The following GRPR variants were observed in gnomAD, a reference collection of about 807,000 sequenced individuals.
GRPR encodes gastrin-releasing peptide receptor.
A neutral mutation model predicts 15.6 loss-of-function variants in GRPR; 4 were observed. The observed-to-expected ratio is 0.26, with a 90% CI of 0.13 to 0.59. GRPR has a LOEUF of 0.59. Ranked by LOEUF, GRPR falls within the 20% of genes least tolerant of loss-of-function variation. The probability of loss-of-function intolerance (pLI) is 0.90; values close to 1 mark genes in which losing one functional copy is unlikely to be tolerated. For missense variants in GRPR, 270 were observed against 304.1 expected, an observed-to-expected ratio of 0.89 and a Z score of 0.83; for synonymous variants, 128 against 126.8, an observed-to-expected ratio of 1.01 and a Z score of -0.06.
At chrX:16,147,805 CAG>C (rs993801970) in intron 1 of GRPR, among the ~76,000 whole-genome samples, 18 of 111,794 alleles carry the variant, frequency 1.6e-4, no homozygotes, top group African/African-American at 5.2e-4. Context: ...CACCTTTACT[CAG>C]AGAGTTAGTG....
chrX:16,126,930 G>A (rs1922302604), intron 1 of GRPR, among the ~76,000 whole-genome samples: 1 of 111,775 alleles, frequency 8.9e-6, no homozygotes, highest in Non-Finnish European at 1.9e-5. Flanking sequence ...GGAAACATAA[G>A]TGTTTATTTT....
chrX:16,137,649 A>G (rs1424260461), intron 1 of GRPR, among the ~76,000 whole-genome samples: 1 of 111,778 alleles, frequency 8.9e-6, no homozygotes, highest in Non-Finnish European at 1.9e-5. Flanking sequence ...TCTTGAAATG[A>G]TTAGAGAAAT....
chrX:16,140,477 C>T (rs1420114977), intron 1 of GRPR, among the ~76,000 whole-genome samples: 1 of 111,631 alleles, frequency 9.0e-6, no homozygotes, highest in Non-Finnish European at 1.9e-5. Flanking sequence ...TCCCCTGGCA[C>T]AACTCAGAGG....
At chrX:16,145,524 G>A (rs1216599501) in intron 1 of GRPR, among the ~76,000 whole-genome samples, 2 of 112,222 alleles carry the variant, frequency 1.8e-5, no homozygotes, top group Admixed American at 9.4e-5. Flanking sequence ...GCGGGAGGCA[G>A]TGGTGGTTAA....
At position 16,144,734 on chromosome X, in the gene GRPR, C is replaced by T. The variant is rs367701828; in HGVS notation, c.414-5571C>T. Reference sequence around the variant, plus strand: ...CACAGATGTTTTCAGAAGTGGGAAACAATTGTTTGAGCCCCATATTGTCAG... The same window carrying T: ...CACAGATGTTTTCAGAAGTGGGAAATAATTGTTTGAGCCCCATATTGTCAG... On this transcript the variant is annotated intron_variant, in intron 1 of 2. Transcript: ENST00000380289. Among the ~76,000 whole-genome samples, 19 of 111,374 alleles carry T rather than the reference C, an allele frequency of 1.7e-4. No homozygotes were observed. The East Asian group carries it at 2.2e-3, about 13-fold the overall frequency.
intron 1 of GRPR, among the ~76,000 whole-genome samples, chrX:16,144,765 C>A (rs1488582828): frequency 9.0e-6 from 1 of 111,627 alleles, no homozygotes; most frequent in African/African-American, 3.3e-5. Flanking sequence ...GTCAGAGGAC[C>A]AAATTTGTCA....
chrX:16,145,806 GGAA>G (rs199572574), intron 1 of GRPR, among the ~76,000 whole-genome samples: 1,851 of 106,196 alleles, frequency 0.017, 35 homozygotes, highest in African/African-American at 0.068. Flanking sequence ...ACTTAAAAAT[GGAA>G]GAAGAAAGAA....
At chrX:16,146,212 A>G (rs1922603169) in intron 1 of GRPR, among the ~76,000 whole-genome samples, 1 of 112,070 alleles carries the variant, frequency 8.9e-6, no homozygotes, top group Non-Finnish European at 1.9e-5. Flanking sequence ...TTAAAGGGTT[A>G]TCACATCTAA....
chrX:16,128,534 T>TAATAAC (rs1216018960), intron 1 of GRPR, among the ~76,000 whole-genome samples: 15 of 111,357 alleles, frequency 1.3e-4, no homozygotes, highest in Non-Finnish European at 2.4e-4. Context: ...ATAATAATAA[T>TAATAAC]AATAACAATA....
chrX:16,129,413 C>A (rs1325284358), intron 1 of GRPR, among the ~76,000 whole-genome samples: 3 of 111,904 alleles, frequency 2.7e-5, no homozygotes, highest in Admixed American at 9.4e-5. Context: ...TCAGTAGCCA[C>A]ATGTGGCTAG....
chrX:16,140,980 G>A (rs542375025), intron 1 of GRPR, among the ~76,000 whole-genome samples: 30 of 111,746 alleles, frequency 2.7e-4, no homozygotes, highest in African/African-American at 9.8e-4. Context: ...TGCAGGCTGT[G>A]TCTAACTACA....
At chrX:16,141,776 G>A (rs1922533954) in intron 1 of GRPR, among the ~76,000 whole-genome samples, 1 of 111,975 alleles carries the variant, frequency 8.9e-6, no homozygotes, top group African/African-American at 3.2e-5. Context: ...TTAATAGAAG[G>A]ATGAATTAAA....
At chrX:16,145,516 G>A (rs1484464640) in intron 1 of GRPR, among the ~76,000 whole-genome samples, 1 of 112,005 alleles carries the variant, frequency 8.9e-6, no homozygotes, top group Non-Finnish European at 1.9e-5. Flanking sequence ...TGGGATAGGC[G>A]GGAGGCAGTG....
intron 1 of GRPR, among the ~76,000 whole-genome samples, chrX:16,126,877 G>A (rs1245333597): frequency 1.8e-5 from 2 of 111,916 alleles, no homozygotes; most frequent in African/African-American, 3.3e-5. Context: ...TTAGTTTGGG[G>A]ATGATGATAA....
At chrX:16,137,079 C>A (rs1388813942) in intron 1 of GRPR, among the ~76,000 whole-genome samples, 1 of 110,934 alleles carries the variant, frequency 9.0e-6, no homozygotes, top group Non-Finnish European at 1.9e-5. Flanking sequence ...TCCACGACCC[C>A]TTTCCAGTTA....
intron 1 of GRPR, among the ~76,000 whole-genome samples, chrX:16,127,396 G>A (rs1922309972): frequency 8.9e-6 from 1 of 111,755 alleles, no homozygotes; most frequent in Non-Finnish European, 1.9e-5. Flanking sequence ...GATTTGCACA[G>A]CTGAGCAGTT....
At chrX:16,147,439 T>C (rs1922624046) in intron 1 of GRPR, among the ~76,000 whole-genome samples, 1 of 111,937 alleles carries the variant, frequency 8.9e-6, no homozygotes, top group African/African-American at 3.2e-5. Context: ...TCAGTCAGTC[T>C]ATAACCATTC....
chrX:16,126,397 A>T (rs1026687430), intron 1 of GRPR, among the ~76,000 whole-genome samples: 1 of 112,031 alleles, frequency 8.9e-6, no homozygotes, highest in African/African-American at 3.2e-5. Flanking sequence ...GGATTCTTCT[A>T]TCTTATATCT....
intron 1 of GRPR, among the ~76,000 whole-genome samples, chrX:16,131,482 G>A: frequency 9.0e-6 from 1 of 111,665 alleles, no homozygotes; most frequent in Non-Finnish European, 1.9e-5. Context: ...CTGAGGCGTA[G>A]TTTATATACA....
Sources: allele counts gnomAD v4.1 joint callset (sites outside exome capture counted in the v4.1 genomes callset), GRCh38; gene constraint gnomAD v4.1.1; transcripts MANE v1.5; gene names NCBI Gene and HGNC (gene_info 2026-07-23, HGNC 2026-07-21).